Variants in KITLG observed in about 807,000 individuals in gnomAD.
KITLG encodes the protein c-Kit ligand.
A neutral mutation model predicts 34.1 loss-of-function variants in KITLG; 13 were observed. The ratio of observed to expected loss-of-function variants is 0.38; its 90% CI spans 0.25 to 0.61. The LOEUF is 0.61. Among genes scored for constraint, KITLG ranks in the 20% least tolerant of loss-of-function variants. The probability of loss-of-function intolerance (pLI) is 0.60; values close to 1 mark genes in which losing one functional copy is unlikely to be tolerated. For missense variants in KITLG, 292 were observed against 318.9 expected, an observed-to-expected ratio of 0.92 and a Z score of 0.64; for synonymous variants, 110 against 104.0, an observed-to-expected ratio of 1.06 and a Z score of -0.35.
In KITLG at chr12:88,580,304, CACAA is replaced by C. The variant is rs1387312714; in HGVS notation, c.-30_-27del. On this transcript the variant is annotated 5_prime_UTR_variant, in exon 1 of 10. Coordinates refer to ENST00000644744, the MANE Select transcript of KITLG (RefSeq NM_000899.5). Reference sequence around the variant, plus strand: ...AAGGAAAGGCAGCGCTGCGATCCAGCACAAACAGTGGTGTGGCGACTCCGTTTAG... The same window carrying C: ...AAGGAAAGGCAGCGCTGCGATCCAGCACAGTGGTGTGGCGACTCCGTTTAG... 36 of 1,610,842 alleles carry C rather than the reference CACAA, an allele frequency of 2.2e-5. No individual in the cohort carries two copies. Among genetic ancestry groups the C allele is most frequent in the Non-Finnish European group, 3.0e-5 (35 of 1,178,618 alleles).
intron 1 of KITLG, among the ~76,000 whole-genome samples, chr12:88,560,533 C>T (rs1329397997): frequency 2.6e-5 from 4 of 152,108 alleles, no homozygotes; most frequent in Admixed American, 6.6e-5. Context: ...GATTTGGATC[C>T]GCTCTTCCAA....
chr12:88,530,139 G>C (rs1013133924), intron 3 of KITLG, among the ~76,000 whole-genome samples: 4 of 152,140 alleles, frequency 2.6e-5, no homozygotes, highest in Non-Finnish European at 4.4e-5. Flanking sequence ...TTGGGTGCTT[G>C]GCAATCACAA....
chr12:88,506,269 A>G, intron 8 of KITLG, 42 bp downstream of exon 8: 3 of 1,342,072 alleles, frequency 2.2e-6, no homozygotes, highest in Non-Finnish European at 1.1e-6. Context: ...TGAAATGGCA[A>G]TGTCATGCTT....
intron 9 of KITLG, among the ~76,000 whole-genome samples, chr12:88,504,623 G>A (rs1266311373): frequency 2.0e-5 from 3 of 152,160 alleles, no homozygotes; most frequent in East Asian, 1.9e-4. Context: ...AACAGGTGCT[G>A]CAGAGGATGT....
chr12:88,527,975 G>C (rs565380716), intron 3 of KITLG, among the ~76,000 whole-genome samples: 1 of 152,286 alleles, frequency 6.6e-6, no homozygotes, highest in South Asian at 2.1e-4. Context: ...GGATGTAGTA[G>C]CTTATTATTG....
chr12:88,528,038 T>C (rs1164334290), intron 3 of KITLG, among the ~76,000 whole-genome samples: 1 of 152,184 alleles, frequency 6.6e-6, no homozygotes, highest in Non-Finnish European at 1.5e-5. Flanking sequence ...ACAAATTTGT[T>C]ATTTTACAGT....
intron 1 of KITLG, among the ~76,000 whole-genome samples, chr12:88,566,151 G>A (rs1871435379): frequency 6.6e-6 from 1 of 151,982 alleles, no homozygotes; most frequent in Non-Finnish European, 1.5e-5. Flanking sequence ...CTCTCTCTGA[G>A]GAAAATTCTG....
intron 1 of KITLG, among the ~76,000 whole-genome samples, chr12:88,548,257 C>T (rs944074368): frequency 6.6e-6 from 1 of 152,154 alleles, no homozygotes; most frequent in African/African-American, 2.4e-5. Context: ...AGATCGAGAC[C>T]AGCCTGGCCA....
At chr12:88,569,416 T>C (rs906252369) in intron 1 of KITLG, among the ~76,000 whole-genome samples, 40 of 152,214 alleles carry the variant, frequency 2.6e-4, no homozygotes, top group African/African-American at 9.2e-4. Context: ...CCTTTCACTC[T>C]GGTAGTGGAG....
chr12:88,510,513 A>G (rs1037491397), intron 6 of KITLG, among the ~76,000 whole-genome samples: 3 of 152,308 alleles, frequency 2.0e-5, no homozygotes, highest in Non-Finnish European at 2.9e-5. Context: ...GAGTCCAGGA[A>G]GGTTGGGTCA....
chr12:88,549,154 G>C (rs945157581), intron 1 of KITLG, among the ~76,000 whole-genome samples: 5 of 152,188 alleles, frequency 3.3e-5, no homozygotes, highest in African/African-American at 4.8e-5. Context: ...TTAGGGAGCA[G>C]TAGAAGATGA....
intron 4 of KITLG, among the ~76,000 whole-genome samples, chr12:88,517,118 A>T (rs1202119798): frequency 6.6e-6 from 1 of 151,966 alleles, no homozygotes; most frequent in East Asian, 1.9e-4. Context: ...ATGTCAATCC[A>T]GACAGAGTGG....
At chr12:88,560,916 C>T (rs1355354220) in intron 1 of KITLG, among the ~76,000 whole-genome samples, 2 of 144,242 alleles carry the variant, frequency 1.4e-5, no homozygotes, top group Admixed American at 7.1e-5. Flanking sequence ...TGCGGTGAGC[C>T]GAGATCGCAC....
rs1868521009 is a variant in KITLG at position 88,494,158 on chromosome 12, C to T, written c.*3061G>A. On this transcript the variant is annotated 3_prime_UTR_variant, in exon 10 of 10. Transcript: ENST00000644744. The stretch of plus-strand genomic sequence containing the variant: ...GGTGATTTACCATATCAGTTAATGA[C>T]AGACTGGAGGCTCCGGATATCTTTT... 1 of 151,880 alleles carries T rather than the reference C, an allele frequency of 6.6e-6. No homozygotes were observed. The highest frequency in any genetic ancestry group is 6.6e-5 in the Admixed American group (1 of 15,212). 9.4% of individuals were successfully genotyped at this position (151,880 alleles called of 1,614,324 possible). A position where few individuals can be genotyped will look rare whatever the true frequency, so the allele number is the denominator to read the frequency against.
At position 88,524,142 on chromosome 12, in the gene KITLG, T is replaced by C. The variant is rs540238045; in HGVS notation, c.193-5275A>G. The stretch of plus-strand genomic sequence containing the variant: ...TTCAGGGCTTCAGTTTCTCCATCTA[T>C]AAAATAAATTCTAATCGATGCTGGC... On this transcript the variant is annotated intron_variant, in intron 3 of 9. Transcript: ENST00000644744. Among the ~76,000 whole-genome samples, 7 of 152,288 alleles carry C rather than the reference T, an allele frequency of 4.6e-5. No homozygotes were observed. In the South Asian group the frequency reaches 1.0e-3, roughly 23 times the overall value.
chr12:88,567,377 C>T (rs1871477695), intron 1 of KITLG, among the ~76,000 whole-genome samples: 1 of 152,156 alleles, frequency 6.6e-6, no homozygotes, highest in Non-Finnish European at 1.5e-5. Flanking sequence ...GAGCTGTTTT[C>T]TCTCTTTCAC....
chr12:88,510,154 C>T (rs1162372), intron 6 of KITLG, among the ~76,000 whole-genome samples: 143,211 of 152,266 alleles, frequency 0.94, 67,397 homozygotes, highest in East Asian at 0.98. Context: ...TGTAGAAATA[C>T]AGAACACAAA....
chr12:88,561,827 C>T (rs183324310), intron 1 of KITLG, among the ~76,000 whole-genome samples: 86 of 152,314 alleles, frequency 5.6e-4, no homozygotes, highest in African/African-American at 1.8e-3. Context: ...TTTGTACTTG[C>T]TGCTGCCAGT....
At position 88,495,399 on chromosome 12, in the gene KITLG, T is replaced by C. The variant is rs1391506732; in HGVS notation, c.*1820A>G. ...AGACAGGACCTATCAGCAATTTAAATTGATCTCTGGTTTTATTACTAATCA... is the reference window on the plus strand; with the variant it reads ...AGACAGGACCTATCAGCAATTTAAACTGATCTCTGGTTTTATTACTAATCA... On this transcript the variant is annotated 3_prime_UTR_variant, in exon 10 of 10. Coordinates refer to ENST00000644744, the MANE Select transcript of KITLG (RefSeq NM_000899.5). 3.9e-5 allele frequency: 6 copies of C among 152,330 alleles called. No homozygotes were observed. Among genetic ancestry groups the C allele is most frequent in the Admixed American group, 2.6e-4 (4 of 15,242 alleles). 9.4% of individuals were successfully genotyped at this position (152,330 alleles called of 1,614,324 possible).
Sources: allele counts gnomAD v4.1 joint callset (sites outside exome capture counted in the v4.1 genomes callset), GRCh38; gene constraint gnomAD v4.1.1; transcripts MANE v1.5; gene names NCBI Gene and HGNC (gene_info 2026-07-23, HGNC 2026-07-21).